RPUSD2: variants seen among roughly 807,000 people sequenced by gnomAD.
The protein encoded by RPUSD2 is RNA pseudouridine synthase domain containing 2, also known as pseudouridylate synthase RPUSD2.
RPUSD2 carries 31 observed loss-of-function variants against 41.5 expected under a neutral mutation model. That is an observed-to-expected ratio of 0.75 (90% CI 0.56 to 1.01). The LOEUF (loss-of-function observed/expected upper bound fraction) is 1.01, where lower values mean the gene tolerates loss of function less well. RPUSD2 is among the 50% of genes least tolerant of loss of function. RPUSD2 has a pLI of 0.00. For synonymous variants in RPUSD2, 305 were observed against 289.7 expected, an observed-to-expected ratio of 1.05 and a Z score of -0.54; for missense variants, 749 against 724.7, an observed-to-expected ratio of 1.03 and a Z score of -0.38.
rs780383227 is a variant in RPUSD2 at position 40,569,739 on chromosome 15, C to T, written c.402C>T (p.Tyr134=). The T allele has an allele frequency of 1.2e-6, 2 of 1,601,280 alleles. No homozygotes were observed. The highest frequency in any genetic ancestry group is 1.7e-5 in the Admixed American group (1 of 57,404). The change falls in exon 1 of 3, where the codon TAC becomes TAT. Residue 134 remains tyrosine (Y), a synonymous_variant. Coordinates refer to ENST00000315616, the MANE Select transcript of RPUSD2 (RefSeq NM_152260.3). ...AGCACTTTGCAGAAACCAGTTATTACTTCGAGGGCGGCCTGCGTAAGGTGC... is the reference window on the plus strand; with the variant it reads ...AGCACTTTGCAGAAACCAGTTATTATTTCGAGGGCGGCCTGCGTAAGGTGC... ...GDEHFAETSY[Y]FEGGLRKVRP... is the part of the protein sequence containing the mutation.
rs1566989367 is a variant in RPUSD2, at chr15:40,569,748, C to T, written c.411C>T (p.Gly137=). Residue 137 remains glycine, a synonymous_variant, in exon 1 of 3, where the codon GGC becomes GGT. Coordinates refer to ENST00000315616, the MANE Select transcript of RPUSD2 (RefSeq NM_152260.3). Reference sequence around the variant, plus strand: ...CAGAAACCAGTTATTACTTCGAGGGCGGCCTGCGTAAGGTGCGGCCCTATT... The same window carrying T: ...CAGAAACCAGTTATTACTTCGAGGGTGGCCTGCGTAAGGTGCGGCCCTATT... ...HFAETSYYFE[G]GLRKVRPYYF... The T allele has an allele frequency of 1.9e-6, 3 of 1,604,732 alleles. No individual in the cohort carries two copies. The highest frequency in any genetic ancestry group is 1.7e-6 in the Non-Finnish European group (2 of 1,175,816).
chr15:40,569,453 T>G lies in RPUSD2; in HGVS notation c.116T>G (p.Val39Gly). The change falls in exon 1 of 3, where the codon GTG (valine) becomes GGG (glycine). Residue 39 changes from valine (V) to glycine (G), a missense_variant. Physicochemically the swap from Val to Gly is moderately radical, Grantham distance 109. Coordinates refer to ENST00000315616, the MANE Select transcript of RPUSD2 (RefSeq NM_152260.3). ...SGDKGPMAETVSTQVGTEGGL... is the reference protein window; with the variant it reads ...SGDKGPMAETGSTQVGTEGGL... ...GATAAGGGCCCAATGGCAGAAACAG[T>G]GTCTACCCAGGTTGGGACAGAGGGC... The G allele has an allele frequency of 6.4e-7, 1 of 1,572,662 alleles. No individual in the cohort carries two copies. The highest frequency in any genetic ancestry group is 8.6e-7 in the Non-Finnish European group (1 of 1,163,804).
Position 40,569,328 on chromosome 15 carries a change from C to T in RPUSD2, c.-10C>T, listed in dbSNP as rs556621910. The T allele has an allele frequency of 4.1e-6, 6 of 1,458,334 alleles. No individual in the cohort carries two copies. The South Asian group carries it at 6.2e-5, about 15-fold the overall frequency. The allele number at this position is 1,458,334 out of a possible 1,614,324, so 90.3% of individuals were successfully genotyped here. ...CGCGACCCTGGGAGTGGAGTGGGGG[C>T]AGCGTGGTTATGTGGCTGGACCGCC... On this transcript the variant is annotated 5_prime_UTR_variant, in exon 1 of 3. Coordinates refer to ENST00000315616, the MANE Select transcript of RPUSD2 (RefSeq NM_152260.3).
At position 40,571,842 on chromosome 15, in the gene RPUSD2, T is replaced by C. The variant is rs768763549; in HGVS notation, c.845T>C (p.Met282Thr). The change falls in exon 2 of 3, where the codon ATG becomes ACG. Residue 282 changes from methionine (M) to threonine (T), a missense_variant. Transcript: ENST00000315616. The part of the protein sequence containing the change: ...RLDRLTSGVL[M>T]FAKTAAVSER... The stretch of plus-strand genomic sequence containing the variant: ...GACCGCCTTACCTCAGGGGTGCTTA[T>C]GTTTGCCAAGACAGCTGCAGTCTCT... The C allele has an allele frequency of 3.1e-6, 5 of 1,614,114 alleles. No homozygotes were observed. Among genetic ancestry groups the C allele is most frequent in the African/African-American group, 1.3e-5 (1 of 74,942 alleles).
At chr15:40,570,150 A>C (rs1005375484) in intron 1 of RPUSD2, 1 of 607,028 alleles carries the variant, frequency 1.6e-6, no homozygotes, top group African/African-American at 1.9e-5. Flanking sequence ...TTCAGGACTC[A>C]GCCTGTTTAT....
At chr15:40,570,189 C>T in intron 1 of RPUSD2, 1 of 477,276 alleles carries the variant, frequency 2.1e-6, no homozygotes. Context: ...TTCCTTGTTT[C>T]CAAGGGACAG....
rs1336390294 is a variant in RPUSD2, at chr15:40,573,720, C to T, written c.1097C>T (p.Thr366Ile). 1 of 1,614,230 alleles carries T rather than the reference C, an allele frequency of 6.2e-7. No homozygotes were observed. Among genetic ancestry groups the T allele is most frequent in the Admixed American group, 1.7e-5 (1 of 60,030 alleles). The change falls in exon 3 of 3, where the codon ACA becomes ATA. Residue 366 changes from threonine (T) to isoleucine (I), a missense_variant. Coordinates refer to ENST00000315616, the MANE Select transcript of RPUSD2 (RefSeq NM_152260.3). ...QSSVVRCRPL[T>I]GRTHQIRVHL... The stretch of plus-strand genomic sequence containing the variant: ...AGTGTGGTACGGTGCCGGCCACTCA[C>T]AGGCCGCACACACCAGATTCGAGTC...
In RPUSD2 at chr15:40,569,466, T is replaced by A; in HGVS notation, c.129T>A (p.Val43=). 6.3e-7 allele frequency: 1 copy of A among 1,575,830 alleles called. No homozygotes were observed. Residue 43 remains valine (V), a synonymous_variant, in exon 1 of 3, where the codon GTT becomes GTA. Transcript: ENST00000315616. ...TGGCAGAAACAGTGTCTACCCAGGT[T>A]GGGACAGAGGGCGGGCTGAGGGCTT... The part of the protein sequence containing the change: ...GPMAETVSTQ[V]GTEGGLRASH...
Position 40,571,636 on chromosome 15 carries a change from G to A in RPUSD2, c.639G>A (p.Arg213=). The A allele has an allele frequency of 1.2e-6, 2 of 1,614,186 alleles. No homozygotes were observed. Among genetic ancestry groups the A allele is most frequent in the Non-Finnish European group, 1.7e-6 (2 of 1,180,024 alleles). ...ATTTCTTGCGGAACACAGTGCACAG[G>A]CATGAGCCACCAGTCACAGCAGAGC... ...DNDFLRNTVH[R]HEPPVTAEPI... Residue 213 remains arginine, a synonymous_variant, in exon 2 of 3, where the codon AGG becomes AGA. Coordinates refer to ENST00000315616, the MANE Select transcript of RPUSD2 (RefSeq NM_152260.3).
chr15:40,569,545 G>T lies in RPUSD2; in HGVS notation c.208G>T (p.Gly70Trp). 6.5e-7 allele frequency: 1 copy of T among 1,536,220 alleles called. No homozygotes were observed. Among genetic ancestry groups the T allele is most frequent in the Admixed American group, 2.1e-5 (1 of 47,788 alleles). ...GGDAKVELSP[G>W]PPKPAGREVE... ...CGACGCGAAGGTTGAGCTGTCCCCC[G>T]GGCCCCCGAAGCCGGCTGGCCGGGA... is the stretch of plus-strand genomic sequence containing the variant. Residue 70 changes from glycine (G) to tryptophan (W), a missense_variant, in exon 1 of 3, where the codon GGG becomes TGG. Gly to Trp is a radical substitution (Grantham distance 184). Coordinates refer to ENST00000315616, the MANE Select transcript of RPUSD2 (RefSeq NM_152260.3).
At chr15:40,571,935 T>G in intron 2 of RPUSD2, 35 bp downstream of exon 2, 1 of 1,598,470 alleles carries the variant, frequency 6.3e-7, no homozygotes, top group Non-Finnish European at 8.5e-7. Context: ...AGGCCACTTC[T>G]TGGGCTCACG....
In RPUSD2 at chr15:40,573,836, C is replaced by G; in HGVS notation, c.1213C>G (p.Pro405Ala). ...TTCTCGAGGCCGGGGCGGCTACATT[C>G]CCAAGACAAACGAGGAGTTGCTACG... is the stretch of plus-strand genomic sequence containing the variant. ...GPSRGRGGYI[P>A]KTNEELLRDL... is the part of the protein sequence containing the mutation. The change falls in exon 3 of 3, where the codon CCC becomes GCC. Residue 405 changes from proline to alanine, a missense_variant. Physicochemically the swap from Pro to Ala is conservative, Grantham distance 27. Coordinates refer to ENST00000315616, the MANE Select transcript of RPUSD2 (RefSeq NM_152260.3). The G allele has an allele frequency of 6.2e-7, 1 of 1,614,168 alleles. No homozygotes were observed. Among genetic ancestry groups the G allele is most frequent in the Non-Finnish European group, 8.5e-7 (1 of 1,180,030 alleles).
intron 1 of RPUSD2, 120 bp downstream of exon 1, chr15:40,570,063 C>T: frequency 7.7e-7 from 1 of 1,293,018 alleles, no homozygotes; most frequent in Non-Finnish European, 1.0e-6. Context: ...CATGGCAATT[C>T]TAAAGCGTTC....
At chr15:40,573,410 C>A in intron 2 of RPUSD2, 117 bp from the exon 3 acceptor site, 2 of 1,144,360 alleles carry the variant, frequency 1.7e-6, no homozygotes, top group Non-Finnish European at 2.5e-6. Context: ...GCAAAACTGG[C>A]GAATGGTAGA....
In RPUSD2 at chr15:40,573,937, A is replaced by G. The variant is rs1213531829; in HGVS notation, c.1314A>G (p.Gly438=). ...TCTGTGAGGGTGACCTGTCCCCAGG[A>G]CTCACAGACTCTACGGCCCCCTCCT... ...LDLCEGDLSP[G]LTDSTAPSSE... is the part of the protein sequence containing the mutation. Residue 438 remains glycine, a synonymous_variant, in exon 3 of 3, where the codon GGA becomes GGG. Transcript: ENST00000315616. The G allele has an allele frequency of 6.2e-7, 1 of 1,613,936 alleles. No individual in the cohort carries two copies. Among genetic ancestry groups the G allele is most frequent in the African/African-American group, 1.3e-5 (1 of 74,880 alleles).
Position 40,569,829 on chromosome 15 carries a change from C to A in RPUSD2, c.492C>A (p.His164Gln), listed in dbSNP as rs200287799. The change falls in exon 1 of 3, where the codon CAC becomes CAA. Residue 164 changes from histidine to glutamine, a missense_variant. Coordinates refer to ENST00000315616, the MANE Select transcript of RPUSD2 (RefSeq NM_152260.3). The part of the protein sequence containing the change: ...KGRWVGHSLL[H>Q]VFSTEFRAQP... ...GCTGGGTGGGCCACAGCTTGCTGCA[C>A]GTCTTCAGTACCGAGTTCCGAGCTC... is the stretch of plus-strand genomic sequence containing the variant. The A allele has an allele frequency of 4.3e-6, 7 of 1,613,132 alleles. No individual in the cohort carries two copies. The highest frequency in any genetic ancestry group is 1.7e-5 in the Admixed American group (1 of 59,892).
chr15:40,573,572 G>C lies in RPUSD2; in HGVS notation c.949G>C (p.Glu317Gln). 1 of 1,614,118 alleles carries C rather than the reference G, an allele frequency of 6.2e-7. No individual in the cohort carries two copies. Among genetic ancestry groups the C allele is most frequent in the Non-Finnish European group, 8.5e-7 (1 of 1,179,998 alleles). Reference protein sequence around the residue: ...VCRVEGEFPTEEVTCKEPILV... With the variant: ...VCRVEGEFPTQEVTCKEPILV... ...CCGGGTGGAAGGGGAGTTCCCCACTGAGGAAGTGACCTGTAAAGAACCCAT... is the reference window on the plus strand; with the variant it reads ...CCGGGTGGAAGGGGAGTTCCCCACTCAGGAAGTGACCTGTAAAGAACCCAT... The change falls in exon 3 of 3, where the codon GAG becomes CAG. Residue 317 changes from glutamate (E) to glutamine (Q), a missense_variant. Coordinates refer to ENST00000315616, the MANE Select transcript of RPUSD2 (RefSeq NM_152260.3).
In RPUSD2 at chr15:40,571,895, C is replaced by G. The variant is rs749930078; in HGVS notation, c.898C>G (p.Arg300Gly). 3.1e-6 allele frequency: 5 copies of G among 1,612,574 alleles called. No individual in the cohort carries two copies. In the African/African-American group the frequency reaches 6.7e-5, roughly 22 times the overall value. Residue 300 changes from arginine (R) to glycine (G), a missense_variant, in exon 2 of 3, where the codon CGG becomes GGG. Coordinates refer to ENST00000315616, the MANE Select transcript of RPUSD2 (RefSeq NM_152260.3). ...SERIHEQVRD[R>G]QLEKEYVCRV... The stretch of plus-strand genomic sequence containing the variant: ...GAGAATTCACGAGCAGGTTCGGGAC[C>G]GGCAGGTGAGTCAGGCTTTTGTCTC...
chr15:40,571,626 C>T lies in RPUSD2; in HGVS notation c.629C>T (p.Thr210Ile), dbSNP rs1242142382. The T allele has an allele frequency of 1.2e-6, 2 of 1,614,100 alleles. No homozygotes were observed. The highest frequency in any genetic ancestry group is 1.7e-6 in the Non-Finnish European group (2 of 1,180,032). ...CAGGACAATGATTTCTTGCGGAACACAGTGCACAGGCATGAGCCACCAGTC... is the reference window on the plus strand; with the variant it reads ...CAGGACAATGATTTCTTGCGGAACATAGTGCACAGGCATGAGCCACCAGTC... ...VLKDNDFLRN[T>I]VHRHEPPVTA... Residue 210 changes from threonine to isoleucine, a missense_variant, in exon 2 of 3, where the codon ACA (threonine) becomes ATA (isoleucine). Thr to Ile is a moderately conservative substitution (Grantham distance 89). Coordinates refer to ENST00000315616, the MANE Select transcript of RPUSD2 (RefSeq NM_152260.3).
Sources: gnomAD v4.1 joint callset for allele counts on GRCh38, gnomAD v4.1.1 for gene constraint, MANE v1.5 for transcripts, NCBI Gene and HGNC (gene_info 2026-07-23, HGNC 2026-07-21) for gene names.